Variants in TTC23 observed in about 807,000 individuals in gnomAD.
The protein encoded by TTC23 is tetratricopeptide repeat domain 23, also known as tetratricopeptide repeat protein 23.
In TTC23, 58 loss-of-function variants were observed where a neutral mutation model predicts 55.1. That is an observed-to-expected ratio of 1.05 (90% CI 0.85 to 1.31). The LOEUF (loss-of-function observed/expected upper bound fraction) is 1.31, where lower values mean the gene tolerates loss of function less well. Ranked by LOEUF, TTC23 falls within the 50% of genes most tolerant of loss-of-function variation. TTC23 has a pLI of 0.00. For missense variants in TTC23, 516 were observed against 534.4 expected (o/e 0.97, Z 0.34); for synonymous variants, 203 against 199.9 (o/e 1.02, Z -0.13).
chr15:99,210,113 A>C (rs2076927482), intron 8 of TTC23, among the ~76,000 whole-genome samples: 1 of 152,070 alleles, frequency 6.6e-6, no homozygotes, highest in African/African-American at 2.4e-5. Context: ...ATATGATTAT[A>C]TATTTATGTT....
intron 8 of TTC23, among the ~76,000 whole-genome samples, chr15:99,204,097 C>A (rs1045618477): frequency 6.6e-6 from 1 of 152,182 alleles, no homozygotes; most frequent in East Asian, 1.9e-4. Context: ...GCTGTACTAA[C>A]TTGCATTCCC....
chr15:99,180,229 T>C (rs4965451), intron 9 of TTC23, among the ~76,000 whole-genome samples: 16,821 of 152,166 alleles, frequency 0.11, 1,169 homozygotes, highest in East Asian at 0.29. Flanking sequence ...AACTGTCATC[T>C]TGAAGCTGAG....
At chr15:99,237,758 G>C (rs1326246128) in intron 3 of TTC23, among the ~76,000 whole-genome samples, 5 of 152,060 alleles carry the variant, frequency 3.3e-5, no homozygotes, top group Admixed American at 3.3e-4. Flanking sequence ...TCATTATCTT[G>C]ACTGGTTGCA....
chr15:99,156,578 A>T (rs1283894597), intron 11 of TTC23, among the ~76,000 whole-genome samples: 1 of 152,242 alleles, frequency 6.6e-6, no homozygotes, highest in Non-Finnish European at 1.5e-5. Context: ...AGCAGGAGAG[A>T]TAAGTGCTGA....
At chr15:99,146,604 C>A (rs1555493429) in intron 12 of TTC23, among the ~76,000 whole-genome samples, 1 of 152,246 alleles carries the variant, frequency 6.6e-6, no homozygotes, top group African/African-American at 2.4e-5. Flanking sequence ...CCTCTCCAGA[C>A]CTTGTGGGAC....
intron 9 of TTC23, among the ~76,000 whole-genome samples, chr15:99,198,132 G>A (rs1053997166): frequency 6.6e-6 from 1 of 152,120 alleles, no homozygotes; most frequent in African/African-American, 2.4e-5. Context: ...ATCACTGTGT[G>A]TAAGTGGATA....
chr15:99,187,768 T>G lies in TTC23; in HGVS notation c.759+12151A>C, dbSNP rs148471809. On this transcript the variant is annotated intron_variant, in intron 9 of 13. Transcript: ENST00000394132. ...CTACATCATTAGTCATTAGGGAAAT[T>G]CAAATAAAAAGCCACAATGAGATAT... is the stretch of plus-strand genomic sequence containing the variant. Among the ~76,000 whole-genome samples the G allele has an allele frequency of 9.4e-4, 143 of 152,126 alleles. 4 individuals are homozygous for G. In the East Asian group the frequency reaches 0.026, roughly 28 times the overall value.
At chr15:99,228,832 A>AT in intron 4 of TTC23, 100 bp from the exon 5 acceptor site, 5 of 988,058 alleles carry the variant, frequency 5.1e-6, no homozygotes, top group Non-Finnish European at 7.2e-6. Flanking sequence ...CTTTGAAATT[A>AT]GTAGCATTAT....
chr15:99,163,172 G>A (rs180942573), intron 10 of TTC23, among the ~76,000 whole-genome samples: 1 of 152,286 alleles, frequency 6.6e-6, no homozygotes, highest in Admixed American at 6.5e-5. Context: ...CTTAATCACA[G>A]GAGCCCTTTA....
At chr15:99,202,405 G>A (rs1038217520) in intron 8 of TTC23, among the ~76,000 whole-genome samples, 25 of 152,236 alleles carry the variant, frequency 1.6e-4, no homozygotes, top group South Asian at 2.1e-4. Context: ...AATGAAGGAA[G>A]TACAAACACC....
chr15:99,203,416 G>A (rs187084250), intron 8 of TTC23, among the ~76,000 whole-genome samples: 12 of 152,006 alleles, frequency 7.9e-5, no homozygotes, highest in African/African-American at 2.7e-4. Context: ...GTTAATGATC[G>A]AATCAGGGTT....
intron 10 of TTC23, among the ~76,000 whole-genome samples, chr15:99,168,211 C>T (rs991367193): frequency 4.6e-5 from 7 of 152,160 alleles, no homozygotes; most frequent in Admixed American, 1.3e-4. Flanking sequence ...CAAGGAAGTC[C>T]GTGGCCATCT....
At chr15:99,198,830 A>G (rs2075961848) in intron 9 of TTC23, among the ~76,000 whole-genome samples, 1 of 152,258 alleles carries the variant, frequency 6.6e-6, no homozygotes, top group Admixed American at 6.5e-5. Flanking sequence ...AAGTACTCTC[A>G]GGACCTTGTC....
intron 9 of TTC23, among the ~76,000 whole-genome samples, chr15:99,194,762 C>G (rs2075557419): frequency 6.6e-6 from 1 of 152,092 alleles, no homozygotes; most frequent in African/African-American, 2.4e-5. Context: ...ATGGAGAAAC[C>G]CCGTCTCTAC....
chr15:99,175,946 G>A (rs2073499899), intron 9 of TTC23, among the ~76,000 whole-genome samples: 2 of 152,178 alleles, frequency 1.3e-5, no homozygotes, highest in South Asian at 4.1e-4. Context: ...AGTGGGCCGA[G>A]ATTGCACCAC....
chr15:99,226,696 G>T (rs1224617041), intron 5 of TTC23, among the ~76,000 whole-genome samples: 2 of 152,054 alleles, frequency 1.3e-5, no homozygotes, highest in African/African-American at 4.8e-5. Flanking sequence ...ATTTATGTGT[G>T]CTGTTTCCTC....
chr15:99,237,775 T>C (rs2079443135), intron 3 of TTC23, among the ~76,000 whole-genome samples: 1 of 152,160 alleles, frequency 6.6e-6, no homozygotes, highest in Non-Finnish European at 1.5e-5. Flanking sequence ...TGCAGTTTCT[T>C]GGGTGTACAC....
At chr15:99,204,581 T>G (rs116099345) in intron 8 of TTC23, among the ~76,000 whole-genome samples, 2,665 of 150,362 alleles carry the variant, frequency 0.018, 81 homozygotes, top group African/African-American at 0.062. Flanking sequence ...CCTGGAGTGT[T>G]TTCTCAATAT....
intron 9 of TTC23, among the ~76,000 whole-genome samples, chr15:99,189,728 C>T (rs1373072355): frequency 1.3e-5 from 2 of 152,064 alleles, no homozygotes; most frequent in Non-Finnish European, 2.9e-5. Flanking sequence ...AAGAGACAGA[C>T]TGAGTGAGAA....
Sources: allele counts gnomAD v4.1 joint callset (sites outside exome capture counted in the v4.1 genomes callset), GRCh38; gene constraint gnomAD v4.1.1; transcripts MANE v1.5; gene names NCBI Gene and HGNC (gene_info 2026-07-23, HGNC 2026-07-21).